ADORA2B: variants seen among roughly 807,000 people sequenced by gnomAD.
ADORA2B encodes adenosine A2b receptor.
ADORA2B carries 18 observed loss-of-function variants against 20.8 expected under a neutral mutation model. The observed-to-expected ratio is 0.87, with a 90% CI of 0.60 to 1.29. ADORA2B has a LOEUF of 1.29. Among genes scored for constraint, ADORA2B ranks in the 50% most tolerant of loss-of-function variants. ADORA2B has a pLI of 0.00. For missense variants in ADORA2B, 441 were observed against 422.7 expected, an observed-to-expected ratio of 1.04 and a Z score of -0.38; for synonymous variants, 179 against 178.3, an observed-to-expected ratio of 1.00 and a Z score of -0.03.
chr17:15,932,834 G>A, the ADORA2B span, among the ~76,000 whole-genome samples: 2 of 151,418 alleles, frequency 1.3e-5, no homozygotes, highest in Non-Finnish European at 2.9e-5. Context: ...GCACCACATT[G>A]TGTTGATTAC....
intron 1 of ADORA2B, among the ~76,000 whole-genome samples, chr17:15,951,348 G>A (rs1005048817): frequency 2.6e-5 from 4 of 152,306 alleles, no homozygotes; most frequent in East Asian, 3.9e-4. Context: ...GCAGACACGC[G>A]GGACGTGGCC....
At chr17:15,874,615 C>T in the ADORA2B span, among the ~76,000 whole-genome samples, 1 of 152,060 alleles carries the variant, frequency 6.6e-6, no homozygotes, top group South Asian at 2.1e-4. Context: ...TGACTTGAGC[C>T]CAAGAGTTCA....
chr17:15,923,505 C>T, the ADORA2B span, among the ~76,000 whole-genome samples: 1 of 151,586 alleles, frequency 6.6e-6, no homozygotes, highest in South Asian at 2.1e-4. Flanking sequence ...GCTGGGTTCA[C>T]ACTATTCTCC....
At chr17:15,930,533 C>A in the ADORA2B span, among the ~76,000 whole-genome samples, 4 of 152,082 alleles carry the variant, frequency 2.6e-5, no homozygotes, top group Non-Finnish European at 4.4e-5. Context: ...TGAGCTCAAG[C>A]GATCTGTGTG....
At chr17:15,969,099 C>T (rs1433144985) in intron 1 of ADORA2B, among the ~76,000 whole-genome samples, 1 of 152,168 alleles carries the variant, frequency 6.6e-6, no homozygotes, top group Non-Finnish European at 1.5e-5. Context: ...AAGTGTCCTT[C>T]CCCACATGCC....
the ADORA2B span, among the ~76,000 whole-genome samples, chr17:15,896,424 G>A: frequency 6.6e-6 from 1 of 152,270 alleles, no homozygotes; most frequent in South Asian, 2.1e-4. Context: ...AAATGAAAAT[G>A]TGGAATTAAA....
the ADORA2B span, among the ~76,000 whole-genome samples, chr17:15,897,203 T>C: frequency 1.3e-5 from 2 of 152,098 alleles, no homozygotes; most frequent in Non-Finnish European, 2.9e-5. Context: ...GCAGGATGGA[T>C]ACAAGAAAAT....
At chr17:15,864,165 A>G in the ADORA2B span, 25 of 163,176 alleles carry the variant, frequency 1.5e-4, no homozygotes, top group South Asian at 3.9e-3. Context: ...ATGGTAAGGG[A>G]CAATGTCAGC....
At chr17:15,921,136 C>G in the ADORA2B span, among the ~76,000 whole-genome samples, 10 of 152,090 alleles carry the variant, frequency 6.6e-5, no homozygotes, top group African/African-American at 1.9e-4. Flanking sequence ...GAGGATTTCT[C>G]CCCTGCTTCA....
At chr17:15,950,943 G>A (rs758857) in intron 1 of ADORA2B, among the ~76,000 whole-genome samples, 102,427 of 152,224 alleles carry the variant, frequency 0.67, 38,039 homozygotes, top group Non-Finnish European at 0.83. Flanking sequence ...GTCTCTCTGC[G>A]CCCAGTGTGC....
intron 1 of ADORA2B, among the ~76,000 whole-genome samples, chr17:15,968,241 A>G (rs777238009): frequency 7.2e-5 from 11 of 152,096 alleles, no homozygotes; most frequent in Non-Finnish European, 1.6e-4. Context: ...CTTGTATTGG[A>G]TTTTTTTCAA....
At chr17:15,867,234 G>T in the ADORA2B span, among the ~76,000 whole-genome samples, 1 of 152,066 alleles carries the variant, frequency 6.6e-6, no homozygotes, top group South Asian at 2.1e-4. Context: ...GAGCATCTCT[G>T]CCTGGCCGCC....
the ADORA2B span, among the ~76,000 whole-genome samples, chr17:15,890,464 A>C: frequency 1.3e-5 from 1 of 74,982 alleles, no homozygotes; most frequent in Admixed American, 1.2e-4. Context: ...CCTTTCTTTT[A>C]TTTATTTATT....
chr17:15,966,514 C>T (rs1970118415), intron 1 of ADORA2B, among the ~76,000 whole-genome samples: 1 of 152,220 alleles, frequency 6.6e-6, no homozygotes, highest in South Asian at 2.1e-4. Context: ...CAGGAGGAGA[C>T]CCTGCCCCAG....
chr17:15,875,191 A>G, the ADORA2B span, among the ~76,000 whole-genome samples: 61 of 152,290 alleles, frequency 4.0e-4, no homozygotes, highest in African/African-American at 1.4e-3. Context: ...GTCTGCAGAG[A>G]TCCTGATGAG....
chr17:15,882,818 C>T, the ADORA2B span, among the ~76,000 whole-genome samples: 1 of 152,168 alleles, frequency 6.6e-6, no homozygotes, highest in African/African-American at 2.4e-5. Flanking sequence ...TCTTTCCTCC[C>T]ATGGGCCGTT....
the ADORA2B span, among the ~76,000 whole-genome samples, chr17:15,919,376 G>A: frequency 6.6e-6 from 1 of 152,042 alleles, no homozygotes; most frequent in African/African-American, 2.4e-5. Flanking sequence ...CACCTTTCAG[G>A]ACTACCTAAA....
chr17:15,877,946 C>G, the ADORA2B span, among the ~76,000 whole-genome samples: 2 of 152,022 alleles, frequency 1.3e-5, no homozygotes, highest in African/African-American at 4.8e-5. Flanking sequence ...TTTTCAGCTG[C>G]CAAGTTTTAT....
At chr17:15,948,124 GTCCTGGGACCTACCCCCAGTTCC>G (rs1969833929) in intron 1 of ADORA2B, among the ~76,000 whole-genome samples, 1 of 152,172 alleles carries the variant, frequency 6.6e-6, no homozygotes, top group Non-Finnish European at 1.5e-5. Flanking sequence ...GGCTAGGACA[GTCCTGGGACCTACCCCCAGTTCC>G]TCCCGGTTCG....
Sources: allele counts gnomAD v4.1 joint callset (sites outside exome capture counted in the v4.1 genomes callset), GRCh38; gene constraint gnomAD v4.1.1; transcripts MANE v1.5; gene names NCBI Gene and HGNC (gene_info 2026-07-23, HGNC 2026-07-21).